ACVR1: variants seen among roughly 807,000 people sequenced by gnomAD.
ACVR1 encodes the protein activin receptor type-1.
A neutral mutation model predicts 57.1 loss-of-function variants in ACVR1; 38 were observed. The ratio of observed to expected loss-of-function variants is 0.67; its 90% CI spans 0.51 to 0.87. The LOEUF is 0.87. Among genes scored for constraint, ACVR1 ranks in the 40% least tolerant of loss-of-function variants. The pLI, the probability that ACVR1 is intolerant of heterozygous loss-of-function variation, is 0.00. For missense variants in ACVR1, 463 were observed against 638.2 expected, an observed-to-expected ratio of 0.73 and a Z score of 2.96; for synonymous variants, 212 against 228.1, an observed-to-expected ratio of 0.93 and a Z score of 0.63.
At chr2:157,848,411 G>C (rs1689192095) in intron 1 of ACVR1, among the ~76,000 whole-genome samples, 1 of 152,190 alleles carries the variant, frequency 6.6e-6, no homozygotes, top group South Asian at 2.1e-4. Flanking sequence ...GACAGCCCCA[G>C]CTGAGCTCCC....
intron 1 of ACVR1, among the ~76,000 whole-genome samples, chr2:157,842,970 T>C (rs1466333437): frequency 6.6e-6 from 1 of 152,188 alleles, no homozygotes; most frequent in African/African-American, 2.4e-5. Context: ...TGATACAGAA[T>C]AAACCTCTCA....
chr2:157,820,574 C>CTT (rs562866854), intron 1 of ACVR1, among the ~76,000 whole-genome samples: 1 of 145,490 alleles, frequency 6.9e-6, no homozygotes, highest in African/African-American at 2.5e-5. Context: ...GACTCTCTCT[C>CTT]TTTTTTTTTT....
In ACVR1 at chr2:157,737,795, ATCT is replaced by A. The variant is rs1262057432; in HGVS notation, c.1396-133_1396-131del. 30 of 1,224,250 alleles carry A rather than the reference ATCT, an allele frequency of 2.5e-5. 1 individual carries two copies. In the South Asian group the frequency reaches 3.0e-4, roughly 12 times the overall value. 75.8% of individuals were successfully genotyped at this position (1,224,250 alleles called of 1,614,324 possible). ...GTGAAATTAGAGTTATGTTACTGTC[ATCT>A]TCTTCAAGCAAATATTCAACCTTTA... On this transcript the variant is annotated intron_variant, in intron 10 of 10. Transcript: ENST00000434821.
chr2:157,777,131 C>T (rs1240273995), intron 5 of ACVR1, among the ~76,000 whole-genome samples: 1 of 152,138 alleles, frequency 6.6e-6, no homozygotes, highest in South Asian at 2.1e-4. Context: ...CCTTTCCCCA[C>T]TTAAAGTTCA....
Position 157,737,737 on chromosome 2 carries a change from C to CAGA in ACVR1, c.1396-73_1396-72insTCT. On this transcript the variant is annotated intron_variant, in intron 10 of 10. Coordinates refer to ENST00000434821, the MANE Select transcript of ACVR1 (RefSeq NM_001111067.4). ...ATGGCCCTGGAAGCTGGGCTGATAT[C>CAGA]ATGTCTACTATTCTGAAGAACTCGC... is the stretch of plus-strand genomic sequence containing the variant. 7 of 1,580,450 alleles carry CAGA rather than the reference C, an allele frequency of 4.4e-6. No homozygotes were observed. The South Asian group carries it at 6.6e-5, about 15-fold the overall frequency.
chr2:157,852,472 C>T (rs1689351193), intron 1 of ACVR1, among the ~76,000 whole-genome samples: 1 of 143,104 alleles, frequency 7.0e-6, no homozygotes, highest in Non-Finnish European at 1.5e-5. Context: ...ACTATACAGC[C>T]TGGATGACAG....
chr2:157,834,682 T>C (rs536705283), intron 1 of ACVR1, among the ~76,000 whole-genome samples: 27 of 152,272 alleles, frequency 1.8e-4, no homozygotes, highest in African/African-American at 6.3e-4. Flanking sequence ...TAAAAACATA[T>C]AGTATATGAC....
intron 1 of ACVR1, among the ~76,000 whole-genome samples, chr2:157,863,031 TTTTTTTTTTTG>T: frequency 1.6e-5 from 2 of 127,974 alleles, no homozygotes; most frequent in Admixed American, 8.1e-5. Flanking sequence ...TTTTTTTTTT[TTTTTTTTTTTG>T]AGACAGTCTC....
At chr2:157,810,176 C>T (rs1045021527) in intron 2 of ACVR1, among the ~76,000 whole-genome samples, 2 of 152,232 alleles carry the variant, frequency 1.3e-5, no homozygotes, top group Non-Finnish European at 2.9e-5. Flanking sequence ...CCACAACCTT[C>T]AAACACTGTG....
At chr2:157,856,074 A>G (rs1261750936) in intron 1 of ACVR1, among the ~76,000 whole-genome samples, 1 of 152,170 alleles carries the variant, frequency 6.6e-6, no homozygotes. Context: ...TGTAGTCTGA[A>G]GTACAGATTC....
At chr2:157,838,180 C>G (rs1688854424) in intron 1 of ACVR1, 2 of 152,072 alleles carry the variant, frequency 1.3e-5, no homozygotes, top group African/African-American at 4.8e-5. Flanking sequence ...AGAGGGAGAG[C>G]AGGAGAAAGT....
chr2:157,832,399 A>G (rs138169731), intron 1 of ACVR1, among the ~76,000 whole-genome samples: 217 of 152,354 alleles, frequency 1.4e-3, no homozygotes, highest in African/African-American at 4.6e-3. Context: ...GATGATGGCA[A>G]GTCAAGAGTC....
chr2:157,754,582 C>T (rs1251976352), intron 9 of ACVR1, among the ~76,000 whole-genome samples: 2 of 151,976 alleles, frequency 1.3e-5, no homozygotes, highest in African/African-American at 2.4e-5. Flanking sequence ...CTGAACAAAC[C>T]AATAACAAGC....
intron 4 of ACVR1, among the ~76,000 whole-genome samples, chr2:157,780,109 A>T (rs917247465): frequency 2.0e-5 from 3 of 152,242 alleles, no homozygotes; most frequent in African/African-American, 7.2e-5. Context: ...GCTGTCCCCA[A>T]GATGGACATC....
chr2:157,760,372 T>C (rs779176272), intron 9 of ACVR1, among the ~76,000 whole-genome samples: 2 of 152,014 alleles, frequency 1.3e-5, no homozygotes, highest in Non-Finnish European at 2.9e-5. Flanking sequence ...ATGGAAAAAA[T>C]AGGTTCTAAT....
chr2:157,813,937 T>C (rs1455595979), intron 2 of ACVR1, among the ~76,000 whole-genome samples: 3 of 152,150 alleles, frequency 2.0e-5, no homozygotes, highest in Non-Finnish European at 4.4e-5. Context: ...AGATAGTAAG[T>C]TTTTAAATCT....
chr2:157,859,352 G>A (rs941593166), intron 1 of ACVR1, among the ~76,000 whole-genome samples: 2 of 152,182 alleles, frequency 1.3e-5, no homozygotes, highest in African/African-American at 4.8e-5. Context: ...CTAAAAAGGG[G>A]AGACATCAAT....
intron 1 of ACVR1, among the ~76,000 whole-genome samples, chr2:157,871,153 AG>A (rs1011393009): frequency 2.0e-5 from 3 of 152,248 alleles, no homozygotes; most frequent in Non-Finnish European, 4.4e-5. Context: ...TGACTTGTGT[AG>A]AAAGAATCAA....
intron 9 of ACVR1, among the ~76,000 whole-genome samples, chr2:157,748,732 G>C (rs1446788410): frequency 6.6e-6 from 1 of 151,774 alleles, no homozygotes; most frequent in East Asian, 1.9e-4. Context: ...GTTCAAAGCA[G>C]ATCCACTCTG....
Sources: allele counts gnomAD v4.1 joint callset (sites outside exome capture counted in the v4.1 genomes callset), GRCh38; gene constraint gnomAD v4.1.1; transcripts MANE v1.5; gene names NCBI Gene and HGNC (gene_info 2026-07-23, HGNC 2026-07-21).